Variants in ARFGEF1 observed in about 807,000 individuals in gnomAD.
ARFGEF1 encodes brefeldin A-inhibited guanine nucleotide-exchange protein 1.
Under a neutral mutation model 231.0 loss-of-function variants are expected in ARFGEF1, and 42 were observed. That is an observed-to-expected ratio of 0.18 (90% CI 0.14 to 0.24). ARFGEF1 has a LOEUF of 0.24. ARFGEF1 is among the 10% of genes least tolerant of loss of function. ARFGEF1 has a pLI of 1.00. For synonymous variants in ARFGEF1, 710 were observed against 732.3 expected (o/e 0.97, Z 0.49); for missense variants, 1,345 against 2,192.0 (o/e 0.61, Z 7.72).
chr8:67,342,277 C>A lies in ARFGEF1; in HGVS notation c.124+887G>T, dbSNP rs183923283. 3.0e-3 allele frequency among the ~76,000 whole-genome samples: 451 copies of A among 152,304 alleles called. 11 individuals are homozygous for A. Among genetic ancestry groups the A allele is most frequent in the Admixed American group, 0.028 (423 of 15,302 alleles). ...TAACAATGTTCCCCCTTTAACAACT[C>A]CTCATCTGCCTAACCTCATAGGTAG... is the stretch of plus-strand genomic sequence containing the variant. On this transcript the variant is annotated intron_variant, in intron 1 of 38. Coordinates refer to ENST00000262215, the MANE Select transcript of ARFGEF1 (RefSeq NM_006421.5).
intron 17 of ARFGEF1, among the ~76,000 whole-genome samples, chr8:67,255,684 T>C (rs930287586): frequency 3.3e-5 from 5 of 152,214 alleles, no homozygotes; most frequent in Admixed American, 6.5e-5. Flanking sequence ...CTTAGCTTCA[T>C]AGAAACTCAC....
rs191394533 is a variant in ARFGEF1 at position 67,248,635 on chromosome 8, T to C, written c.2850+2664A>G. 1.1e-4 allele frequency among the ~76,000 whole-genome samples: 17 copies of C among 150,284 alleles called. 2 individuals carry two copies. Among genetic ancestry groups the C allele is most frequent in the African/African-American group, 4.0e-4 (16 of 40,276 alleles). ...GGTAACCAAAGTAAAAATGGACAAA[T>C]GGACACATCAAGTTAAAAAGCTTCT... On this transcript the variant is annotated intron_variant, in intron 19 of 38. Coordinates refer to ENST00000262215, the MANE Select transcript of ARFGEF1 (RefSeq NM_006421.5).
intron 34 of ARFGEF1, 138 bp downstream of exon 34, chr8:67,211,345 C>CAA (rs375793043): frequency 0.013 from 3,096 of 245,380 alleles, 4 homozygotes; most frequent in South Asian, 0.02. Flanking sequence ...AACTCCGTCT[C>CAA]AAAAAAAAAA....
intron 1 of ARFGEF1, among the ~76,000 whole-genome samples, chr8:67,310,890 T>A (rs1469206298): frequency 2.9e-5 from 4 of 139,716 alleles, no homozygotes; most frequent in Non-Finnish European, 4.7e-5. Flanking sequence ...GTGAGGAGCC[T>A]CTCCACCCGG....
intron 25 of ARFGEF1, 98 bp from the exon 26 acceptor site, chr8:67,227,696 G>A (rs1839422320): frequency 1.5e-6 from 2 of 1,298,596 alleles, no homozygotes; most frequent in African/African-American, 3.0e-5. Flanking sequence ...GAATAGCATA[G>A]ATAGGTAAAT....
intron 5 of ARFGEF1, among the ~76,000 whole-genome samples, chr8:67,187,334 C>G (rs1003789739): frequency 1.3e-5 from 2 of 152,156 alleles, no homozygotes; most frequent in African/African-American, 4.8e-5. Flanking sequence ...TTATAATAAA[C>G]AAGACAGTGT....
chr8:67,223,275 T>C (rs571694889), intron 29 of ARFGEF1, among the ~76,000 whole-genome samples: 2 of 152,272 alleles, frequency 1.3e-5, no homozygotes, highest in South Asian at 4.1e-4. Context: ...AGTGGTGTGA[T>C]CAGGGCTCAC....
intron 27 of ARFGEF1, among the ~76,000 whole-genome samples, 170 bp downstream of exon 27, chr8:67,226,963 CAATA>C (rs1206449004): frequency 6.6e-6 from 1 of 151,946 alleles, no homozygotes; most frequent in Non-Finnish European, 1.5e-5. Flanking sequence ...GGTAAATACT[CAATA>C]AATGTTAACT....
rs369515490 is a variant in ARFGEF1 at position 67,301,255 on chromosome 8, C to T, written c.281G>A (p.Arg94His). Reference protein sequence around the residue: ...FELACQSKCPRIVSTSLDCLQ... With the variant: ...FELACQSKCPHIVSTSLDCLQ... ...GCAATCTAGAGATGTACTAACTATG[C>T]GAGGACATTTGGACTGGCATGCCAA... The change falls in exon 3 of 39, where the codon CGC (arginine) becomes CAC (histidine). Residue 94 changes from arginine (R) to histidine (H), a missense_variant. By Grantham distance (29) the Arg-to-His change is conservative. This residue lies in a region of ARFGEF1 where 398 missense variants were observed against 463.2 expected (regional missense o/e 0.86). Transcript: ENST00000262215. 7 of 1,613,102 alleles carry T rather than the reference C, an allele frequency of 4.3e-6. No homozygotes were observed. The highest frequency in any genetic ancestry group is 1.3e-5 in the African/African-American group (1 of 74,854).
At chr8:67,310,695 G>A (rs1159102046) in intron 1 of ARFGEF1, among the ~76,000 whole-genome samples, 1 of 138,778 alleles carries the variant, frequency 7.2e-6, no homozygotes, top group South Asian at 2.4e-4. Flanking sequence ...TGTGGGGAGC[G>A]CCTCTGCCCC....
At chr8:67,228,567 A>G (rs1839455378) in intron 23 of ARFGEF1, among the ~76,000 whole-genome samples, 1 of 152,102 alleles carries the variant, frequency 6.6e-6, no homozygotes, top group Non-Finnish European at 1.5e-5. Context: ...TAAGAATAAG[A>G]AAAATATTAA....
intron 19 of ARFGEF1, among the ~76,000 whole-genome samples, chr8:67,241,312 A>G (rs1452494514): frequency 3.9e-5 from 6 of 152,210 alleles, no homozygotes; most frequent in Non-Finnish European, 5.9e-5. Context: ...TTGAACTGCC[A>G]CTACAGAGAG....
intron 34 of ARFGEF1, among the ~76,000 whole-genome samples, chr8:67,210,406 G>A (rs1403607075): frequency 1.3e-5 from 2 of 151,322 alleles, no homozygotes; most frequent in Non-Finnish European, 2.9e-5. Flanking sequence ...CTTGAGCCTG[G>A]AGGTTGAGGC....
At chr8:67,194,634 T>C (rs1416352746), downstream of ARFGEF1, among the ~76,000 whole-genome samples, 2 of 152,110 alleles carry the variant, frequency 1.3e-5, no homozygotes, top group Admixed American at 1.3e-4. Flanking sequence ...CAGGAGCTTT[T>C]TGTTATTATG....
At chr8:67,223,576 T>G (rs78883287) in intron 29 of ARFGEF1, among the ~76,000 whole-genome samples, 1 of 152,216 alleles carries the variant, frequency 6.6e-6, no homozygotes, top group Non-Finnish European at 1.5e-5. Context: ...CAAAGTTTAC[T>G]GATCTTTTCT....
intron 1 of ARFGEF1, among the ~76,000 whole-genome samples, chr8:67,313,340 G>A (rs569819948): frequency 1.3e-5 from 2 of 152,272 alleles, no homozygotes; most frequent in African/African-American, 4.8e-5. Context: ...TGTGATTTTT[G>A]CGGGATGCTG....
At chr8:67,191,115 C>T (rs16933190) in intron 5 of ARFGEF1, among the ~76,000 whole-genome samples, 19,586 of 152,124 alleles carry the variant, frequency 0.13, 2,523 homozygotes, top group African/African-American at 0.33. Context: ...ATAGGCATCA[C>T]CTTCATTTCG....
At chr8:67,331,032 CTTAAG>C (rs977909111) in intron 1 of ARFGEF1, among the ~76,000 whole-genome samples, 9 of 151,372 alleles carry the variant, frequency 5.9e-5, no homozygotes, top group African/African-American at 9.7e-5. Flanking sequence ...AAAGAAAATC[CTTAAG>C]TTATTTGGAA....
intron 1 of ARFGEF1, among the ~76,000 whole-genome samples, chr8:67,307,450 T>G (rs983026763): frequency 6.6e-6 from 1 of 152,148 alleles, no homozygotes; most frequent in East Asian, 1.9e-4. Flanking sequence ...GATGAGTAAA[T>G]GTAAATTCCA....
Sources: gnomAD v4.1 joint callset for allele counts (sites outside exome capture counted in the v4.1 genomes callset) on GRCh38, gnomAD v4.1.1 for gene constraint, gnomAD v4.1.1 regional missense constraint, MANE v1.5 for transcripts, NCBI Gene and HGNC (gene_info 2026-07-23, HGNC 2026-07-21) for gene names.